The following FBXL7 variants were observed in gnomAD, a reference collection of about 807,000 sequenced individuals.
FBXL7 encodes the protein F-box and leucine rich repeat protein 7, also known as F-box/LRR-repeat protein 7.
Under a neutral mutation model 38.3 loss-of-function variants are expected in FBXL7, and 12 were observed. The ratio of observed to expected loss-of-function variants is 0.31; its 90% CI spans 0.20 to 0.51. The LOEUF (loss-of-function observed/expected upper bound fraction) is 0.51, where lower values mean the gene tolerates loss of function less well. Among genes scored for constraint, FBXL7 ranks in the 20% least tolerant of loss-of-function variants. The pLI is 0.98. For synonymous variants in FBXL7, 297 were observed against 300.9 expected, an observed-to-expected ratio of 0.99 and a Z score of 0.13; for missense variants, 567 against 676.4, an observed-to-expected ratio of 0.84 and a Z score of 1.79.
chr5:15,821,589 C>T (rs1738170502), intron 2 of FBXL7, among the ~76,000 whole-genome samples: 1 of 105,310 alleles, frequency 9.5e-6, no homozygotes, highest in Admixed American at 8.2e-5. Flanking sequence ...CTATTAAGGA[C>T]TTGCTTGGTG....
intron 2 of FBXL7, among the ~76,000 whole-genome samples, chr5:15,678,478 A>G (rs1440363549): frequency 6.6e-6 from 1 of 152,226 alleles, no homozygotes; most frequent in Non-Finnish European, 1.5e-5. Flanking sequence ...TATGTGGGTT[A>G]GCAATAGAAA....
At chr5:15,796,172 C>A (rs916201103) in intron 2 of FBXL7, among the ~76,000 whole-genome samples, 31 of 152,136 alleles carry the variant, frequency 2.0e-4, no homozygotes, top group African/African-American at 7.5e-4. Flanking sequence ...TAAACCAGAT[C>A]TTTTTCTATG....
chr5:15,598,597 T>C (rs963715372), intron 1 of FBXL7, among the ~76,000 whole-genome samples: 2 of 152,158 alleles, frequency 1.3e-5, no homozygotes, highest in African/African-American at 4.8e-5. Flanking sequence ...TATCCTTACC[T>C]GATTTTTTTT....
At chr5:15,732,918 GTATTA>G (rs1223858759) in intron 2 of FBXL7, among the ~76,000 whole-genome samples, 2 of 151,986 alleles carry the variant, frequency 1.3e-5, no homozygotes, top group African/African-American at 2.4e-5. Flanking sequence ...ATTTAGTATT[GTATTA>G]TATTATACGT....
At chr5:15,522,935 T>A (rs920883530) in intron 1 of FBXL7, among the ~76,000 whole-genome samples, 1 of 152,246 alleles carries the variant, frequency 6.6e-6, no homozygotes, top group African/African-American at 2.4e-5. Flanking sequence ...ATTTTAGATG[T>A]TTCAGACACT....
intron 1 of FBXL7, among the ~76,000 whole-genome samples, chr5:15,594,730 G>A (rs1362194463): frequency 2.0e-5 from 3 of 152,222 alleles, no homozygotes; most frequent in East Asian, 1.9e-4. Context: ...GGCTCTTTGC[G>A]TATAACCTGT....
intron 1 of FBXL7, among the ~76,000 whole-genome samples, chr5:15,546,385 G>T (rs1273598029): frequency 6.6e-6 from 1 of 151,902 alleles, no homozygotes; most frequent in Non-Finnish European, 1.5e-5. Flanking sequence ...TGGCCAACAT[G>T]GTGAAACCCC....
intron 1 of FBXL7, among the ~76,000 whole-genome samples, chr5:15,516,376 C>G (rs76622236): frequency 0.012 from 1,767 of 152,278 alleles, 39 homozygotes; most frequent in African/African-American, 0.041. Context: ...GTTTAAAATA[C>G]TAAACTTCGT....
intron 2 of FBXL7, among the ~76,000 whole-genome samples, chr5:15,635,355 C>T (rs981326768): frequency 6.6e-6 from 1 of 152,122 alleles, no homozygotes; most frequent in African/African-American, 2.4e-5. Flanking sequence ...TATGGTTGCT[C>T]AGGGCTCCAG....
intron 2 of FBXL7, among the ~76,000 whole-genome samples, chr5:15,716,772 T>G (rs2126648058): frequency 6.6e-6 from 1 of 152,354 alleles, no homozygotes; most frequent in East Asian, 1.9e-4. Flanking sequence ...GCTTATTGAT[T>G]GTTGATTTCA....
rs542913405 is a variant in FBXL7 at position 15,754,323 on chromosome 5, G to C, written c.127+138251G>C. On this transcript the variant is annotated intron_variant, in intron 2 of 3. Coordinates refer to ENST00000504595, the MANE Select transcript of FBXL7 (RefSeq NM_012304.5). ...TAGAACTGAATAAGAGCAGAAATTT[G>C]AATCAATAGAGTCATATGGTTTTAG... 7.2e-5 allele frequency among the ~76,000 whole-genome samples: 11 copies of C among 152,292 alleles called. No individual in the cohort carries two copies. In the South Asian group the frequency reaches 2.3e-3, roughly 32 times the overall value.
At chr5:15,935,451 T>G (rs1261577192) in intron 3 of FBXL7, among the ~76,000 whole-genome samples, 1 of 112,646 alleles carries the variant, frequency 8.9e-6, no homozygotes, top group Admixed American at 8.6e-5. Flanking sequence ...CAGATAGGGG[T>G]GTGGGGAATC....
intron 2 of FBXL7, among the ~76,000 whole-genome samples, chr5:15,906,587 A>C (rs1373712994): frequency 6.9e-6 from 1 of 144,098 alleles, no homozygotes; most frequent in Non-Finnish European, 1.5e-5. Flanking sequence ...ACATATGTAT[A>C]CATGTGCCAT....
At chr5:15,826,257 A>G (rs1270055551) in intron 2 of FBXL7, among the ~76,000 whole-genome samples, 1 of 152,202 alleles carries the variant, frequency 6.6e-6, no homozygotes, top group Admixed American at 6.5e-5. Context: ...CACATTTGAA[A>G]ACATTTTAAA....
At position 15,937,144 on chromosome 5, in the gene FBXL7, C is replaced by T. The variant is rs1742218753; in HGVS notation, c.1434C>T (p.Cys478=). Residue 478 remains cysteine, a synonymous_variant, in exon 4 of 4, where the codon TGC becomes TGT. Coordinates refer to ENST00000504595, the MANE Select transcript of FBXL7 (RefSeq NM_012304.5). ...VEALRFVKRH[C]KRCVIEHTNP... ...CCCTGCGCTTTGTCAAACGCCACTG[C>T]AAGCGCTGCGTCATCGAGCACACCA... 1 of 1,607,682 alleles carries T rather than the reference C, an allele frequency of 6.2e-7. No homozygotes were observed. The highest frequency in any genetic ancestry group is 2.2e-5 in the East Asian group (1 of 44,662).
At chr5:15,708,447 G>A (rs751210815) in intron 2 of FBXL7, among the ~76,000 whole-genome samples, 1 of 152,122 alleles carries the variant, frequency 6.6e-6, no homozygotes, top group Admixed American at 6.5e-5. Flanking sequence ...CCTGAAACAT[G>A]TGTGATCCAA....
chr5:15,930,866 G>A (rs1742020658), intron 3 of FBXL7, among the ~76,000 whole-genome samples: 1 of 152,198 alleles, frequency 6.6e-6, no homozygotes, highest in Non-Finnish European at 1.5e-5. Flanking sequence ...CCTCTTCTGA[G>A]GGCATCTGGA....
At chr5:15,791,271 T>C (rs1379260859) in intron 2 of FBXL7, among the ~76,000 whole-genome samples, 1 of 152,180 alleles carries the variant, frequency 6.6e-6, no homozygotes, top group African/African-American at 2.4e-5. Context: ...GGATCTCAAA[T>C]AAACCTATGA....
At position 15,679,134 on chromosome 5, in the gene FBXL7, T is replaced by C. The variant is rs79515545; in HGVS notation, c.127+63062T>C. On this transcript the variant is annotated intron_variant, in intron 2 of 3. Coordinates refer to ENST00000504595, the MANE Select transcript of FBXL7 (RefSeq NM_012304.5). ...ATGATTCTGACTAGCATCCTGACTC[T>C]AGTTTTTTGATCAACCTCTGCCAGG... Among the ~76,000 whole-genome samples, 173 of 152,324 alleles carry C rather than the reference T, an allele frequency of 1.1e-3. 3 individuals carry two copies. In the East Asian group the frequency reaches 0.029, roughly 26 times the overall value.
Sources: allele counts gnomAD v4.1 joint callset (sites outside exome capture counted in the v4.1 genomes callset), GRCh38; gene constraint gnomAD v4.1.1; transcripts MANE v1.5; gene names NCBI Gene and HGNC (gene_info 2026-07-23, HGNC 2026-07-21).